The following NFYC variants were observed in gnomAD, a reference collection of about 807,000 sequenced individuals.
NFYC encodes the protein nuclear transcription factor Y subunit gamma.
A neutral mutation model predicts 53.1 loss-of-function variants in NFYC; 25 were observed. That is an observed-to-expected ratio of 0.47 (90% CI 0.34 to 0.66). The LOEUF (loss-of-function observed/expected upper bound fraction) is 0.66, where lower values mean the gene tolerates loss of function less well. Ranked by LOEUF, NFYC falls within the 30% of genes least tolerant of loss-of-function variation. The pLI, the probability that NFYC is intolerant of heterozygous loss-of-function variation, is 0.01. For synonymous variants in NFYC, 145 were observed against 152.6 expected, an observed-to-expected ratio of 0.95 and a Z score of 0.37; for missense variants, 260 against 422.7, an observed-to-expected ratio of 0.62 and a Z score of 3.38.
intron 1 of NFYC, among the ~76,000 whole-genome samples, chr1:40,696,516 C>G (rs990114642): frequency 6.6e-6 from 1 of 152,234 alleles, no homozygotes; most frequent in Non-Finnish European, 1.5e-5. Flanking sequence ...GGTCACTTGG[C>G]TATGCAAGGG....
intron 5 of NFYC, among the ~76,000 whole-genome samples, chr1:40,756,928 T>A (rs1384838158): frequency 6.6e-6 from 1 of 152,218 alleles, no homozygotes; most frequent in African/African-American, 2.4e-5. Context: ...TGCAAAAATG[T>A]ATACTGTGAG....
intron 6 of NFYC, among the ~76,000 whole-genome samples, chr1:40,760,706 C>T (rs377725735): frequency 1.3e-5 from 2 of 149,502 alleles, no homozygotes; most frequent in Admixed American, 6.6e-5. Flanking sequence ...GGTGACAGAG[C>T]GAGACTGTCT....
At chr1:40,742,857 G>A (rs1246025821) in intron 2 of NFYC, among the ~76,000 whole-genome samples, 1 of 152,146 alleles carries the variant, frequency 6.6e-6, no homozygotes. Flanking sequence ...GATGGCATCT[G>A]CTTCTCTGAC....
chr1:40,749,148 A>C (rs1274204400), intron 3 of NFYC, among the ~76,000 whole-genome samples: 1 of 152,198 alleles, frequency 6.6e-6, no homozygotes, highest in African/African-American at 2.4e-5. Context: ...TTTTCAGTAC[A>C]TGAAAAAGCC....
chr1:40,728,449 T>C (rs921664946), intron 1 of NFYC, among the ~76,000 whole-genome samples: 21 of 151,666 alleles, frequency 1.4e-4, no homozygotes, highest in African/African-American at 5.1e-4. Context: ...TTACAAAAAT[T>C]AGCTGGGCGT....
chr1:40,768,253 A>G (rs1292166694), intron 8 of NFYC, among the ~76,000 whole-genome samples: 1 of 152,236 alleles, frequency 6.6e-6, no homozygotes, highest in African/African-American at 2.4e-5. Context: ...CTTCTTATCT[A>G]TGTGGAATAT....
Position 40,738,906 on chromosome 1 carries a change from G to A in NFYC, c.63G>A (p.Ser21=), listed in dbSNP as rs112892225. Residue 21 remains serine, a synonymous_variant, in exon 2 of 10, where the codon TCG becomes TCA. Coordinates refer to ENST00000447388, the MANE Select transcript of NFYC (RefSeq NM_014223.5). ...SSSDAQQSLQ[S]FWPRVMEEIR... is the part of the protein sequence containing the mutation. Reference sequence around the variant, plus strand: ...GTGATGCCCAGCAAAGCCTACAGTCGTTCTGGCCTCGGGTCATGGAAGAAA... The same window carrying A: ...GTGATGCCCAGCAAAGCCTACAGTCATTCTGGCCTCGGGTCATGGAAGAAA... The A allele has an allele frequency of 1.2e-3, 1,874 of 1,614,078 alleles. 19 individuals are homozygous for A. In the African/African-American group the frequency reaches 0.022, roughly 19 times the overall value.
At chr1:40,719,131 A>G (rs1005177983) in intron 1 of NFYC, among the ~76,000 whole-genome samples, 32 of 152,188 alleles carry the variant, frequency 2.1e-4, no homozygotes, top group African/African-American at 7.0e-4. Context: ...AGCCTCCCAA[A>G]GTGCTGGGAT....
At chr1:40,747,120 A>AAC in intron 2 of NFYC, among the ~76,000 whole-genome samples, 1 of 152,184 alleles carries the variant, frequency 6.6e-6, no homozygotes, top group Non-Finnish European at 1.5e-5. Flanking sequence ...TGGAAGAAAG[A>AAC]ACTGGCAGTT....
rs974363571 is a variant in NFYC at position 40,744,830 on chromosome 1, C to T, written c.106-2704C>T. 1.6e-4 allele frequency among the ~76,000 whole-genome samples: 24 copies of T among 152,174 alleles called. 1 individual carries two copies. Among genetic ancestry groups the T allele is most frequent in the Non-Finnish European group, 3.2e-4 (22 of 68,030 alleles). On this transcript the variant is annotated intron_variant, in intron 2 of 9. Transcript: ENST00000447388. ...AAGTGGGGAGCATGAATCCAAGTTT[C>T]GTGGGCCTCAATCTACTGATTGTAG...
At chr1:40,703,009 G>T (rs897460912) in intron 1 of NFYC, among the ~76,000 whole-genome samples, 2 of 151,982 alleles carry the variant, frequency 1.3e-5, no homozygotes, top group South Asian at 2.1e-4. Flanking sequence ...TGGAGACGGG[G>T]TTTCCCCATG....
chr1:40,739,525 T>C (rs749771951), intron 2 of NFYC, among the ~76,000 whole-genome samples: 1 of 152,140 alleles, frequency 6.6e-6, no homozygotes, highest in African/African-American at 2.4e-5. Flanking sequence ...TAGATGCCAG[T>C]AGCACCCCTC....
intron 1 of NFYC, among the ~76,000 whole-genome samples, chr1:40,726,599 A>G (rs1187941983): frequency 6.6e-6 from 1 of 151,792 alleles, no homozygotes; most frequent in Non-Finnish European, 1.5e-5. Context: ...TTGTATAGAC[A>G]GGGTCTCCTG....
At chr1:40,763,322 A>T (rs998234888) in intron 7 of NFYC, 5 of 470,372 alleles carry the variant, frequency 1.1e-5, no homozygotes, top group Non-Finnish European at 1.3e-5. Context: ...ATATATAGAG[A>T]TATATATCAC....
rs1202032564 is a variant in NFYC, at chr1:40,771,365, T to C, written c.*537T>C. Reference sequence around the variant, plus strand: ...ATCCCTTGCTCTGACCCCAGAGCTCTGTGTATTTGCATCCAGAGGCCATGG... The same window carrying C: ...ATCCCTTGCTCTGACCCCAGAGCTCCGTGTATTTGCATCCAGAGGCCATGG... On this transcript the variant is annotated 3_prime_UTR_variant, in exon 10 of 10. Coordinates refer to ENST00000447388, the MANE Select transcript of NFYC (RefSeq NM_014223.5). The C allele has an allele frequency of 2.2e-6, 1 of 463,756 alleles. No homozygotes were observed. The allele number at this position is 463,756 out of a possible 1,614,324, so 28.7% of individuals were successfully genotyped here. A position where few individuals can be genotyped will look rare whatever the true frequency, so the allele number is the denominator to read the frequency against.
chr1:40,747,214 G>A (rs78735547), intron 2 of NFYC, among the ~76,000 whole-genome samples: 2,374 of 139,130 alleles, frequency 0.017, 36 homozygotes, highest in Non-Finnish European at 0.025. Context: ...AAAAGAAGGC[G>A]CTCATAATGT....
At chr1:40,710,639 C>T (rs1643899869) in intron 1 of NFYC, among the ~76,000 whole-genome samples, 1 of 152,154 alleles carries the variant, frequency 6.6e-6, no homozygotes, top group African/African-American at 2.4e-5. Flanking sequence ...CAGCCAGCAG[C>T]ACTTAGTCTC....
chr1:40,734,888 C>T (rs1644945242), intron 1 of NFYC: 1 of 152,090 alleles, frequency 6.6e-6, no homozygotes, highest in African/African-American at 2.4e-5. Flanking sequence ...TTGTGTCCTT[C>T]AAAAGAAGAT....
chr1:40,762,615 C>T (rs1646605912), intron 6 of NFYC, among the ~76,000 whole-genome samples: 1 of 152,202 alleles, frequency 6.6e-6, no homozygotes, highest in South Asian at 2.1e-4. Context: ...TGAAAAGTTG[C>T]AGCATTTGGG....
Sources: allele counts gnomAD v4.1 joint callset (sites outside exome capture counted in the v4.1 genomes callset), GRCh38; gene constraint gnomAD v4.1.1; transcripts MANE v1.5; gene names NCBI Gene and HGNC (gene_info 2026-07-23, HGNC 2026-07-21).